Variants in RTTN observed in about 807,000 individuals in gnomAD.
The protein encoded by RTTN is rotatin.
In RTTN, 182 loss-of-function variants were observed where a neutral mutation model predicts 269.2. That is an observed-to-expected ratio of 0.68 (90% confidence interval 0.60 to 0.76). The LOEUF is 0.76. Among genes scored for constraint, RTTN ranks in the 30% least tolerant of loss-of-function variants. The probability of loss-of-function intolerance (pLI) is 0.00; values close to 1 mark genes in which losing one functional copy is unlikely to be tolerated. For missense variants in RTTN, 2,545 were observed against 2,608.6 expected, an observed-to-expected ratio of 0.98 and a Z score of 0.53; for synonymous variants, 1,006 against 963.5, an observed-to-expected ratio of 1.04 and a Z score of -0.82.
intron 28 of RTTN, among the ~76,000 whole-genome samples, chr18:70,093,654 A>G (rs1489943230): frequency 6.6e-6 from 1 of 152,218 alleles, no homozygotes; most frequent in Admixed American, 6.5e-5. Flanking sequence ...GATGAAGCCA[A>G]CTTGATCATG....
intron 46 of RTTN, among the ~76,000 whole-genome samples, chr18:70,010,376 TAACA>T (rs1224225723): frequency 1.3e-5 from 2 of 152,182 alleles, no homozygotes; most frequent in Non-Finnish European, 2.9e-5. Context: ...CCTGAAATCA[TAACA>T]AACAGTCTCT....
At chr18:70,115,530 AGAT>A (rs969503335) in intron 26 of RTTN, among the ~76,000 whole-genome samples, 4 of 151,394 alleles carry the variant, frequency 2.6e-5, no homozygotes, top group African/African-American at 7.3e-5. Context: ...TAAAAAAAAA[AGAT>A]AGTAAGATTT....
At chr18:70,027,307 C>T (rs145795848) in intron 43 of RTTN, among the ~76,000 whole-genome samples, 7 of 152,206 alleles carry the variant, frequency 4.6e-5, no homozygotes, top group Admixed American at 1.3e-4. Context: ...TGAGAACATG[C>T]CATACACCTG....
chr18:70,034,489 C>T (rs1035488611), intron 40 of RTTN, among the ~76,000 whole-genome samples: 1 of 152,128 alleles, frequency 6.6e-6, no homozygotes, highest in African/African-American at 2.4e-5. Context: ...CAGTAAAATT[C>T]AACATCTTTT....
intron 4 of RTTN, among the ~76,000 whole-genome samples, chr18:70,200,986 CA>C (rs1555782813): frequency 2.0e-5 from 3 of 151,944 alleles, no homozygotes; most frequent in Non-Finnish European, 4.4e-5. Context: ...AAACTTAAAA[CA>C]AAAATAATAA....
intron 38 of RTTN, among the ~76,000 whole-genome samples, chr18:70,052,492 T>A (rs1239697110): frequency 1.3e-5 from 2 of 152,140 alleles, no homozygotes; most frequent in African/African-American, 4.8e-5. Context: ...AGGCTAAGTA[T>A]AGAGCTTACT....
At chr18:70,092,946 T>C (rs758848967) in intron 28 of RTTN, 142 bp from the exon 29 acceptor site, 13 of 659,688 alleles carry the variant, frequency 2.0e-5, no homozygotes, top group Non-Finnish European at 2.7e-5. Context: ...TACTTAAAAA[T>C]GAATAAGATG....
chr18:70,052,698 AT>A (rs35037309), intron 38 of RTTN, among the ~76,000 whole-genome samples: 113,629 of 148,882 alleles, frequency 0.76, 49,144 homozygotes, highest in East Asian at 1. Context: ...AGCAATTCAT[AT>A]AAAAACAACA....
rs1449259934 is a variant in RTTN at position 70,166,047 on chromosome 18, A to T, written c.1929+15T>A. The stretch of plus-strand genomic sequence containing the variant: ...TGTTCTCAAAAACAAAACATACGAA[A>T]AAACAAAACCTCACCTTCGTGATTT... On this transcript the variant is annotated intron_variant, in intron 14 of 48. Coordinates refer to ENST00000640769, the MANE Select transcript of RTTN (RefSeq NM_173630.4). The T allele has an allele frequency of 6.2e-7, 1 of 1,612,628 alleles. No individual in the cohort carries two copies. The highest frequency in any genetic ancestry group is 2.2e-5 in the East Asian group (1 of 44,794).
At chr18:70,075,304 T>C in intron 33 of RTTN, 48 bp downstream of exon 33, 1 of 1,312,098 alleles carries the variant, frequency 7.6e-7, no homozygotes, top group Non-Finnish European at 1.0e-6. Context: ...TAACAGTTTT[T>C]ACAAGTTACA....
rs1007855008 is a variant in RTTN at position 70,003,177 on chromosome 18, T to C, written c.*974A>G. The C allele has an allele frequency of 3.3e-5, 5 of 151,858 alleles. No homozygotes were observed. The allele number at this position is 151,858 out of a possible 1,614,324, so 9.4% of individuals were successfully genotyped here. A position where few individuals can be genotyped will look rare whatever the true frequency, so the allele number is the denominator to read the frequency against. ...CCTCAGCCACTGGAGTAGCTGAGATTATAGACGCTCAAGACCAGGAATGGC... is the reference window on the plus strand; with the variant it reads ...CCTCAGCCACTGGAGTAGCTGAGATCATAGACGCTCAAGACCAGGAATGGC... On this transcript the variant is annotated 3_prime_UTR_variant, in exon 49 of 49. Coordinates refer to ENST00000640769, the MANE Select transcript of RTTN (RefSeq NM_173630.4).
At chr18:70,101,402 T>C (rs2060633731) in intron 28 of RTTN, among the ~76,000 whole-genome samples, 1 of 152,366 alleles carries the variant, frequency 6.6e-6, no homozygotes, top group South Asian at 2.1e-4. Context: ...AGTTTGTATT[T>C]CTGTGGGATC....
Position 70,193,468 on chromosome 18 carries a change from A to G in RTTN, c.842-15T>C, listed in dbSNP as rs2146117208. 6.8e-7 allele frequency: 1 copy of G among 1,473,392 alleles called. No individual in the cohort carries two copies. The highest frequency in any genetic ancestry group is 2.6e-5 in the East Asian group (1 of 39,116). 91.3% of individuals were successfully genotyped at this position (1,473,392 alleles called of 1,614,324 possible). ...GGAAACTGTGTCTGGGGAAACAAAGAAAAAATAAAATTATTCTTTAGTAGA... is the reference window on the plus strand; with the variant it reads ...GGAAACTGTGTCTGGGGAAACAAAGGAAAAATAAAATTATTCTTTAGTAGA... On this transcript the variant is annotated splice_polypyrimidine_tract_variant and intron_variant, in intron 7 of 48. Coordinates refer to ENST00000640769, the MANE Select transcript of RTTN (RefSeq NM_173630.4).
At chr18:70,162,923 T>C (rs1268261580) in intron 14 of RTTN, among the ~76,000 whole-genome samples, 1 of 124,742 alleles carries the variant, frequency 8.0e-6, no homozygotes, top group African/African-American at 2.9e-5. Context: ...AATGAAAGAT[T>C]ACATGAAAAA....
At chr18:70,024,476 A>G (rs1333986832) in intron 44 of RTTN, among the ~76,000 whole-genome samples, 2 of 152,172 alleles carry the variant, frequency 1.3e-5, no homozygotes, top group Non-Finnish European at 2.9e-5. Context: ...TCCCATTGCC[A>G]GATAATCAGA....
In RTTN at chr18:70,073,981, T is replaced by A; in HGVS notation, c.4578A>T (p.Ser1526=). ...TAGATGGAGCCCTCCAAAACTTGAA[T>A]GAGTCATCTAAACCTGCAACAACGA... ...ESNDLNGLDD[S]FKFWRAPSRT... is the part of the protein sequence containing the mutation. The change falls in exon 34 of 49, where the codon TCA becomes TCT. Residue 1526 remains serine (S), a synonymous_variant. Coordinates refer to ENST00000640769, the MANE Select transcript of RTTN (RefSeq NM_173630.4). 6.2e-7 allele frequency: 1 copy of A among 1,610,930 alleles called. No homozygotes were observed. Among genetic ancestry groups the A allele is most frequent in the East Asian group, 2.2e-5 (1 of 44,828 alleles).
chr18:70,099,871 G>C (rs1386573548), intron 28 of RTTN, among the ~76,000 whole-genome samples: 1 of 152,272 alleles, frequency 6.6e-6, no homozygotes, highest in East Asian at 1.9e-4. Flanking sequence ...TGTCAGGTTT[G>C]TCAAAGATCA....
intron 46 of RTTN, among the ~76,000 whole-genome samples, chr18:70,011,650 C>G (rs2056375438): frequency 6.6e-6 from 1 of 152,200 alleles, no homozygotes; most frequent in Non-Finnish European, 1.5e-5. Context: ...TGGGCAAAAG[C>G]TGGAAACATT....
chr18:70,024,419 C>A (rs1396373529), intron 44 of RTTN, among the ~76,000 whole-genome samples: 1 of 152,152 alleles, frequency 6.6e-6, no homozygotes, highest in African/African-American at 2.4e-5. Flanking sequence ...CTTTTGAGGT[C>A]TTACATCATA....
Sources: allele counts gnomAD v4.1 joint callset (sites outside exome capture counted in the v4.1 genomes callset), GRCh38; gene constraint gnomAD v4.1.1; transcripts MANE v1.5; gene names NCBI Gene and HGNC (gene_info 2026-07-23, HGNC 2026-07-21).